LRCH2: variants seen among roughly 807,000 people sequenced by gnomAD.
LRCH2 encodes leucine-rich repeat and calponin homology domain-containing protein 2.
A neutral mutation model predicts 68.9 loss-of-function variants in LRCH2; 38 were observed. That is an observed-to-expected ratio of 0.55 (90% confidence interval 0.43 to 0.72). LRCH2 has a LOEUF of 0.72. LRCH2 is among the 30% of genes least tolerant of loss of function. The pLI, the probability that LRCH2 is intolerant of heterozygous loss-of-function variation, is 0.00. For synonymous variants in LRCH2, 191 were observed against 208.1 expected, an observed-to-expected ratio of 0.92 and a Z score of 0.71; for missense variants, 528 against 572.9, an observed-to-expected ratio of 0.92 and a Z score of 0.80.
chrX:115,228,571 T>C (rs1421844844), intron 1 of LRCH2, among the ~76,000 whole-genome samples: 3 of 111,698 alleles, frequency 2.7e-5, no homozygotes, highest in African/African-American at 9.8e-5. Context: ...AGTCTTCAAT[T>C]ATCTTTATTT....
At chrX:115,202,235 C>T (rs1357301250) in intron 1 of LRCH2, among the ~76,000 whole-genome samples, 3 of 111,659 alleles carry the variant, frequency 2.7e-5, no homozygotes, top group Admixed American at 9.5e-5. Context: ...AACTGAAGGT[C>T]ATTATCTTAA....
At chrX:115,192,371 A>G in intron 1 of LRCH2, 1 of 1,159,872 alleles carries the variant, frequency 8.6e-7, no homozygotes, top group African/African-American at 1.8e-5. Context: ...AGCGACCGCT[A>G]CGGAGGAGGA....
At chrX:115,213,045 T>C (rs1439300525) in intron 1 of LRCH2, among the ~76,000 whole-genome samples, 1 of 110,164 alleles carries the variant, frequency 9.1e-6, no homozygotes, top group Non-Finnish European at 1.9e-5. Context: ...GCAATCCTCC[T>C]GCCTTGGCCT....
At chrX:115,118,275 A>T (rs1556524729) in intron 20 of LRCH2, among the ~76,000 whole-genome samples, 4 of 110,500 alleles carry the variant, frequency 3.6e-5, no homozygotes, top group Non-Finnish European at 7.6e-5. Flanking sequence ...CGCTAGCAAG[A>T]CTAATAAAGA....
intron 3 of LRCH2, among the ~76,000 whole-genome samples, chrX:115,182,452 A>G (rs2072699343): frequency 8.9e-6 from 1 of 111,903 alleles, no homozygotes; most frequent in African/African-American, 3.3e-5. Flanking sequence ...TAAAAGGAAC[A>G]TTTTCTAAAT....
At position 115,233,925 on chromosome X, in the gene LRCH2, G is replaced by GCCTCCCCCTCCAGCCCCGCCA; in HGVS notation, c.96_116dup (p.Ala35_Gly41dup). 1.7e-6 allele frequency: 2 copies of GCCTCCCCCTCCAGCCCCGCCA among 1,159,697 alleles called. No individual in the cohort carries two copies. The highest frequency in any genetic ancestry group is 3.8e-5 in the South Asian group (2 of 52,090). On this transcript the variant is annotated inframe_insertion, in exon 1 of 21. Transcript: ENST00000317135. ...CCACCAGGGTCCCGCCGCCGCCGCC[G>GCCTCCCCCTCCAGCCCCGCCA]CCTCCCCCTCCAGCCCCGCCACCTC...
intron 5 of LRCH2, among the ~76,000 whole-genome samples, chrX:115,176,512 T>A (rs1176281300): frequency 5.4e-5 from 6 of 110,686 alleles, no homozygotes; most frequent in East Asian, 2.8e-4. Context: ...TTTCAATTTT[T>A]TTTTTTTTTT....
chrX:115,194,076 G>T (rs2072868655), intron 1 of LRCH2, among the ~76,000 whole-genome samples: 2 of 110,303 alleles, frequency 1.8e-5, no homozygotes, highest in African/African-American at 6.6e-5. Context: ...TATTCACTTA[G>T]CAATATAGTA....
intron 1 of LRCH2, among the ~76,000 whole-genome samples, chrX:115,194,557 T>C (rs1322078434): frequency 8.9e-6 from 1 of 112,446 alleles, no homozygotes; most frequent in Non-Finnish European, 1.9e-5. Context: ...GTATAATACC[T>C]AGTATTAAGT....
At chrX:115,185,979 A>C (rs1556554250) in intron 2 of LRCH2, among the ~76,000 whole-genome samples, 1 of 112,461 alleles carries the variant, frequency 8.9e-6, no homozygotes, top group African/African-American at 3.2e-5. Context: ...AAAATAAATA[A>C]ATACATGGAA....
At chrX:115,122,487 C>G (rs781857002) in intron 20 of LRCH2, 40 bp downstream of exon 20, 1 of 1,104,647 alleles carries the variant, frequency 9.1e-7, no homozygotes, top group East Asian at 3.0e-5. Flanking sequence ...GTAATAAATT[C>G]AAATTTAAGT....
chrX:115,176,073 G>A (rs1370302571), intron 5 of LRCH2, among the ~76,000 whole-genome samples: 1 of 111,971 alleles, frequency 8.9e-6, no homozygotes, highest in East Asian at 2.8e-4. Context: ...CTGCTTGGTG[G>A]TGGGAAGAAA....
chrX:115,186,197 C>T (rs2072729949), intron 2 of LRCH2, among the ~76,000 whole-genome samples: 1 of 110,753 alleles, frequency 9.0e-6, no homozygotes. Flanking sequence ...ACTGTCTCTA[C>T]TAAAAATTAG....
At chrX:115,192,573 C>T in intron 1 of LRCH2, 1 of 1,170,817 alleles carries the variant, frequency 8.5e-7, no homozygotes, top group Non-Finnish European at 1.1e-6. Flanking sequence ...GCCGGTCAGG[C>T]TGCAGGGTGC....
chrX:115,118,621 T>G (rs782408801), intron 20 of LRCH2, among the ~76,000 whole-genome samples: 43 of 110,842 alleles, frequency 3.9e-4, no homozygotes, highest in African/African-American at 1.3e-3. Flanking sequence ...CCTTCTGAAA[T>G]TATTCCAATC....
chrX:115,194,154 A>G (rs2072869490), intron 1 of LRCH2, among the ~76,000 whole-genome samples: 1 of 111,472 alleles, frequency 9.0e-6, no homozygotes, highest in African/African-American at 3.3e-5. Context: ...CATATAGAGA[A>G]GGAGAGAGAT....
chrX:115,121,150 GC>G (rs1465892098), intron 20 of LRCH2, among the ~76,000 whole-genome samples: 1 of 107,644 alleles, frequency 9.3e-6, no homozygotes, highest in Non-Finnish European at 1.9e-5. Context: ...GTGCACATGT[GC>G]CCTAAAACTT....
At chrX:115,179,124 G>GTAGA (rs782226635) in intron 5 of LRCH2, among the ~76,000 whole-genome samples, 276 of 111,950 alleles carry the variant, frequency 2.5e-3, no homozygotes, top group African/African-American at 8.2e-3. Flanking sequence ...CAAATCCCAA[G>GTAGA]TAGATATATA....
intron 5 of LRCH2, among the ~76,000 whole-genome samples, chrX:115,177,361 G>A (rs1057278200): frequency 4.5e-5 from 5 of 110,912 alleles, no homozygotes; most frequent in African/African-American, 1.3e-4. Flanking sequence ...TTCATCAGGT[G>A]ACTCCAAAAA....
Sources: allele counts gnomAD v4.1 joint callset (sites outside exome capture counted in the v4.1 genomes callset), GRCh38; gene constraint gnomAD v4.1.1; transcripts MANE v1.5; gene names NCBI Gene and HGNC (gene_info 2026-07-23, HGNC 2026-07-21).